The following UNKL variants were observed in gnomAD, a reference collection of about 807,000 sequenced individuals.
The protein encoded by UNKL is unk like zinc finger.
UNKL carries 60 observed loss-of-function variants against 78.0 expected under a neutral mutation model. That is an observed-to-expected ratio of 0.77 (90% CI 0.63 to 0.95). UNKL has a LOEUF of 0.95. UNKL is among the 40% of genes least tolerant of loss of function. UNKL has a pLI of 0.00. For missense variants in UNKL, 1,159 were observed against 1,045.7 expected (o/e 1.11, Z -1.49); for synonymous variants, 608 against 474.8 (o/e 1.28, Z -3.65).
At chr16:1,396,555 G>A (rs1311785120) in intron 6 of UNKL, among the ~76,000 whole-genome samples, 1 of 151,674 alleles carries the variant, frequency 6.6e-6, no homozygotes, top group Non-Finnish European at 1.5e-5. Context: ...AGATTACAGT[G>A]TGAGCCACCG....
At chr16:1,381,128 G>A (rs1285532047) in intron 10 of UNKL, among the ~76,000 whole-genome samples, 1 of 152,216 alleles carries the variant, frequency 6.6e-6, no homozygotes, top group Non-Finnish European at 1.5e-5. Context: ...CTACGCGGAT[G>A]CAGCCACGCC....
chr16:1,395,065 A>G (rs2037201675), intron 6 of UNKL, among the ~76,000 whole-genome samples: 1 of 151,672 alleles, frequency 6.6e-6, no homozygotes, highest in Non-Finnish European at 1.5e-5. Context: ...TTTAGTAGAG[A>G]TGGGGTTTCG....
At position 1,399,390 on chromosome 16, in the gene UNKL, G is replaced by A. The variant is rs780500079; in HGVS notation, c.718C>T (p.Arg240Trp). ...CAGGCTCACCTGTACTGGAACCGCC[G>A]GGGGTTGCGCCGCCTGTCCCGGCTA... Reference protein sequence around the residue: ...HNSRDRRRNPRRFQYRSTPCP... With the variant: ...HNSRDRRRNPWRFQYRSTPCP... Residue 240 changes from arginine (R) to tryptophan (W), a missense_variant, in exon 5 of 15, where the codon CGG becomes TGG. Physicochemically the swap from Arg to Trp is moderately radical, Grantham distance 101. Transcript: ENST00000389221. This position sits in a 1 kb window ranked among gnomAD's most constrained non-coding sequence, Gnocchi z 5.8. The A allele has an allele frequency of 1.8e-5, 28 of 1,599,628 alleles. No individual in the cohort carries two copies. Among genetic ancestry groups the A allele is most frequent in the Non-Finnish European group, 1.7e-5 (20 of 1,172,846 alleles).
chr16:1,401,256 G>T, intron 4 of UNKL: 2 of 271,368 alleles, frequency 7.4e-6, no homozygotes, highest in East Asian at 6.5e-5. Flanking sequence ...CCGGCTCTGG[G>T]ACAGGACGCC....
rs1567194252 is a variant in UNKL, at chr16:1,366,407, G to A, written c.2047-12C>T. The A allele has an allele frequency of 1.3e-6, 2 of 1,570,752 alleles. No homozygotes were observed. Among genetic ancestry groups the A allele is most frequent in the South Asian group, 2.3e-5 (2 of 87,640 alleles). ...AGCTGGAAGATCACCTGCAGGGCCA[G>A]AACAATGACGGGCTCAGGAGGCCCC... On this transcript the variant is annotated splice_polypyrimidine_tract_variant and intron_variant, in intron 14 of 14. Coordinates refer to ENST00000389221, the MANE Select transcript of UNKL (RefSeq NM_001372107.1).
chr16:1,365,379 G>A lies in UNKL; in HGVS notation c.*861C>T, dbSNP rs1053842808. The A allele has an allele frequency of 6.6e-6, 1 of 152,222 alleles. No homozygotes were observed. The highest frequency in any genetic ancestry group is 2.4e-5 in the African/African-American group (1 of 41,448). The allele number at this position is 152,222 out of a possible 1,614,324, so 9.4% of individuals were successfully genotyped here. A position where few individuals can be genotyped will look rare whatever the true frequency, so the allele number is the denominator to read the frequency against. On this transcript the variant is annotated 3_prime_UTR_variant, in exon 15 of 15. Coordinates refer to ENST00000389221, the MANE Select transcript of UNKL (RefSeq NM_001372107.1). ...GTTAGTATCAAACTGTCTTTCAGAG[G>A]GTTAAGGGAGAAAACAAAACCCATG...
chr16:1,408,818 C>G (rs2037903365), intron 2 of UNKL: 1 of 152,526 alleles, frequency 6.6e-6, no homozygotes, highest in Non-Finnish European at 1.5e-5. Context: ...GCACCTCCAG[C>G]CACAACCAAG....
intron 11 of UNKL, among the ~76,000 whole-genome samples, chr16:1,370,591 A>G (rs2141963383): frequency 6.6e-6 from 1 of 152,260 alleles, no homozygotes; most frequent in Non-Finnish European, 1.5e-5. Flanking sequence ...GATTCCAACC[A>G]GAGGTGGGGA....
chr16:1,385,161 G>A lies in UNKL; in HGVS notation c.1264+47C>T, dbSNP rs927622924. On this transcript the variant is annotated intron_variant, in intron 10 of 14. Coordinates refer to ENST00000389221, the MANE Select transcript of UNKL (RefSeq NM_001372107.1). ...CGCTGTCCCTGAAAAGCTACAGCATGAACACAGAAGGAGGTCAGGGAGAAA... is the reference window on the plus strand; with the variant it reads ...CGCTGTCCCTGAAAAGCTACAGCATAAACACAGAAGGAGGTCAGGGAGAAA... The A allele has an allele frequency of 4.9e-5, 60 of 1,220,428 alleles. 1 individual carries two copies. The highest frequency in any genetic ancestry group is 3.1e-4 in the Middle Eastern group (1 of 3,190). The allele number at this position is 1,220,428 out of a possible 1,614,324, so 75.6% of individuals were successfully genotyped here.
Position 1,388,116 on chromosome 16 carries a change from C to T in UNKL, c.1086+2516G>A, listed in dbSNP as rs191773835. Among the ~76,000 whole-genome samples the T allele has an allele frequency of 2.3e-3, 354 of 152,302 alleles. 1 individual carries two copies. The highest frequency in any genetic ancestry group is 0.014 in the East Asian group (74 of 5,164). On this transcript the variant is annotated intron_variant, in intron 9 of 14. Coordinates refer to ENST00000389221, the MANE Select transcript of UNKL (RefSeq NM_001372107.1). ...GACTGTTGCCTGGAAGGGCCCCGGG[C>T]CCACCAAGAAGCCGTGGACGACGCT...
intron 2 of UNKL, chr16:1,406,060 G>A (rs2037748328): frequency 4.4e-6 from 2 of 456,618 alleles, no homozygotes; most frequent in Non-Finnish European, 4.4e-6. Flanking sequence ...GGTTCCCAGG[G>A]AACGTGCGAG....
At chr16:1,397,520 C>T (rs1328093789) in intron 5 of UNKL, among the ~76,000 whole-genome samples, 2 of 53,004 alleles carry the variant, frequency 3.8e-5, no homozygotes, top group African/African-American at 1.6e-4. Context: ...CTCCCCCACC[C>T]CGACCCCCGT....
At chr16:1,372,020 G>A (rs1408201386) in intron 10 of UNKL, among the ~76,000 whole-genome samples, 1 of 152,148 alleles carries the variant, frequency 6.6e-6, no homozygotes, top group Non-Finnish European at 1.5e-5. Flanking sequence ...ACTTTGGGAG[G>A]CCGAGGTGGG....
intron 4 of UNKL, 46 bp downstream of exon 4, chr16:1,401,522 T>TGGGGGGC: frequency 6.8e-7 from 1 of 1,467,596 alleles, no homozygotes; most frequent in Non-Finnish European, 9.1e-7. Context: ...TCTCGCGCTG[T>TGGGGGGC]GCCCGCCCCC....
intron 12 of UNKL, 33 bp from the exon 13 acceptor site, chr16:1,367,891 C>G (rs952931463): frequency 6.6e-6 from 10 of 1,519,962 alleles, no homozygotes; most frequent in Non-Finnish European, 8.9e-6. Context: ...CGGCCCAGCC[C>G]TGCTGTGCTC....
At chr16:1,411,160 C>T (rs566498805) in intron 2 of UNKL, among the ~76,000 whole-genome samples, 1 of 152,026 alleles carries the variant, frequency 6.6e-6, no homozygotes, top group Non-Finnish European at 1.5e-5. Context: ...AGACTGAGAC[C>T]AGCCTGGACA....
intron 10 of UNKL, chr16:1,383,791 CCA>C: frequency 2.3e-6 from 1 of 442,880 alleles, no homozygotes; most frequent in South Asian, 1.6e-5. Flanking sequence ...CTCCAAGTCC[CCA>C]GAGTGTGTCC....
chr16:1,383,669 TG>T, intron 10 of UNKL: 2 of 421,786 alleles, frequency 4.7e-6, no homozygotes, highest in Non-Finnish European at 9.8e-6. Context: ...CAGTTCCGTG[TG>T]GGGCAACCAC....
chr16:1,377,110 C>A (rs1374520278), intron 10 of UNKL, among the ~76,000 whole-genome samples: 1 of 152,122 alleles, frequency 6.6e-6, no homozygotes, highest in Non-Finnish European at 1.5e-5. Context: ...GCAACCTCCG[C>A]CTCCCAGGTT....
Sources: gnomAD v4.1 joint callset for allele counts (sites outside exome capture counted in the v4.1 genomes callset) on GRCh38, gnomAD v4.1.1 for gene constraint, Gnocchi (gnomAD v3.1) non-coding constraint, MANE v1.5 for transcripts, NCBI Gene and HGNC (gene_info 2026-07-23, HGNC 2026-07-21) for gene names.